Variants in MFSD2B observed in about 807,000 individuals in gnomAD.
MFSD2B encodes the protein sphingosine-1-phosphate transporter MFSD2B.
Under a neutral mutation model 58.4 loss-of-function variants are expected in MFSD2B, and 56 were observed. The observed-to-expected ratio is 0.96, with a 90% CI of 0.77 to 1.20. The LOEUF (loss-of-function observed/expected upper bound fraction) is 1.20, where lower values mean the gene tolerates loss of function less well. Among genes scored for constraint, MFSD2B ranks in the 50% most tolerant of loss-of-function variants. MFSD2B has a pLI of 0.00. For synonymous variants in MFSD2B, 287 were observed against 294.4 expected, an observed-to-expected ratio of 0.97 and a Z score of 0.26; for missense variants, 645 against 667.6, an observed-to-expected ratio of 0.97 and a Z score of 0.37.
Position 24,022,548 on chromosome 2 carries a change from C to T in MFSD2B, c.978+32C>T, listed in dbSNP as rs770068070. ...GGGCCTGGGGTGGTGGAGGCTAGGT[C>T]ACTTGGGGCCCTGAGCTGGGGACAT... On this transcript the variant is annotated intron_variant, in intron 9 of 13. Coordinates refer to ENST00000338315, the MANE Select transcript of MFSD2B (RefSeq NM_001346880.2). This position sits in a 1 kb window ranked among gnomAD's most constrained non-coding sequence, Gnocchi z 4.5. 69 of 1,557,422 alleles carry T rather than the reference C, an allele frequency of 4.4e-5. No individual in the cohort carries two copies. The South Asian group carries it at 7.5e-4, about 17-fold the overall frequency.
At chr2:24,011,693 G>A (rs186511936) in intron 1 of MFSD2B, among the ~76,000 whole-genome samples, 1 of 152,326 alleles carries the variant, frequency 6.6e-6, no homozygotes, top group East Asian at 1.9e-4. Flanking sequence ...TATATACTAA[G>A]CACCTACTGT....
Position 24,021,653 on chromosome 2 carries a change from T to A in MFSD2B, c.687T>A (p.His229Gln). ...GPVTVSPNAA[H>Q]LYCIAAAVVV... ...AGTCCTGTCCTGTCCCACAGGCCCA[T>A]CTCTACTGCATTGCGGCTGCCGTGG... The change falls in exon 7 of 14, where the codon CAT (histidine) becomes CAA (glutamine). Residue 229 changes from histidine (H) to glutamine (Q), a missense_variant. Coordinates refer to ENST00000338315, the MANE Select transcript of MFSD2B (RefSeq NM_001346880.2). This position sits in a 1 kb window ranked among gnomAD's most constrained non-coding sequence, Gnocchi z 5.7. 6.2e-7 allele frequency: 1 copy of A among 1,612,604 alleles called. No individual in the cohort carries two copies. The highest frequency in any genetic ancestry group is 8.5e-7 in the Non-Finnish European group (1 of 1,179,372).
Position 24,022,796 on chromosome 2 carries a change from G to C in MFSD2B, c.979-26G>C. The stretch of plus-strand genomic sequence containing the variant: ...GCAAAGGCGCTGGCAGCACGGCCCT[G>C]GCGTGACGATGCTGTCTGCTCACAG... On this transcript the variant is annotated intron_variant, in intron 9 of 13. Transcript: ENST00000338315. The surrounding 1 kb of genome is among the most constrained non-coding windows in gnomAD (Gnocchi z 4.5). 1 of 1,524,296 alleles carries C rather than the reference G, an allele frequency of 6.6e-7. No homozygotes were observed. Among genetic ancestry groups the C allele is most frequent in the Non-Finnish European group, 8.8e-7 (1 of 1,135,426 alleles). The allele number at this position is 1,524,296 out of a possible 1,614,324, so 94.4% of individuals were successfully genotyped here. A position where few individuals can be genotyped will look rare whatever the true frequency, so the allele number is the denominator to read the frequency against.
intron 6 of MFSD2B, among the ~76,000 whole-genome samples, chr2:24,019,590 G>C (rs1389204104): frequency 6.6e-6 from 1 of 152,142 alleles, no homozygotes; most frequent in East Asian, 1.9e-4. Context: ...GGGCATGGTG[G>C]CAGGCACCTG....
chr2:24,012,150 A>AAC lies in MFSD2B; in HGVS notation c.97-1134_97-1133insCA, dbSNP rs1427020184. 3.7e-5 allele frequency among the ~76,000 whole-genome samples: 3 copies of AAC among 80,586 alleles called. No individual in the cohort carries two copies. The highest frequency in any genetic ancestry group is 1.2e-3 in the East Asian group (2 of 1,694). 52.9% of individuals were successfully genotyped at this position (80,586 alleles called of 152,430 possible). ...CTGGAAACAAACAAACAAACAAACA[A>AAC]AACACACACACACACACACACACAC... On this transcript the variant is annotated intron_variant, in intron 1 of 13. Transcript: ENST00000338315. The surrounding 1 kb of genome is among the most constrained non-coding windows in gnomAD (Gnocchi z 4.5).
chr2:24,017,572 C>T lies in MFSD2B; in HGVS notation c.665C>T (p.Thr222Ile), dbSNP rs765187389. 4 of 1,558,440 alleles carry T rather than the reference C, an allele frequency of 2.6e-6. No individual in the cohort carries two copies. Among genetic ancestry groups the T allele is most frequent in the Admixed American group, 3.8e-5 (2 of 52,260 alleles). ...CEATATPGPV[T>I]VSPNAAHLYC... is the part of the protein sequence containing the mutation. The stretch of plus-strand genomic sequence containing the variant: ...GCCACTGCGACCCCGGGGCCAGTCA[C>T]TGTCTCCCCGAATGCAGTAAGTGCA... The change falls in exon 6 of 14, where the codon ACT (threonine) becomes ATT (isoleucine). Residue 222 changes from threonine (T) to isoleucine (I), a missense_variant. Thr to Ile is a moderately conservative substitution (Grantham distance 89, BLOSUM62 -1). Coordinates refer to ENST00000338315, the MANE Select transcript of MFSD2B (RefSeq NM_001346880.2). This position sits in a 1 kb window ranked among gnomAD's most constrained non-coding sequence, Gnocchi z 4.8.
At chr2:24,015,481 G>A (rs182835167) in intron 2 of MFSD2B, among the ~76,000 whole-genome samples, 1 of 152,072 alleles carries the variant, frequency 6.6e-6, no homozygotes, top group Admixed American at 6.5e-5. Context: ...ATAATAAAAT[G>A]AGGTATCCAC....
chr2:24,021,595 C>G lies in MFSD2B; in HGVS notation c.682-53C>G, dbSNP rs1662787745. On this transcript the variant is annotated intron_variant, in intron 6 of 13. Coordinates refer to ENST00000338315, the MANE Select transcript of MFSD2B (RefSeq NM_001346880.2). The surrounding 1 kb of genome is among the most constrained non-coding windows in gnomAD (Gnocchi z 5.7). Reference sequence around the variant, plus strand: ...GTACTGCCCTGCCCCTCCGGTGTCACCACCTCCAGGGGTTGAAGACATCAC... The same window carrying G: ...GTACTGCCCTGCCCCTCCGGTGTCAGCACCTCCAGGGGTTGAAGACATCAC... 2 of 1,526,616 alleles carry G rather than the reference C, an allele frequency of 1.3e-6. No individual in the cohort carries two copies. The highest frequency in any genetic ancestry group is 1.8e-6 in the Non-Finnish European group (2 of 1,116,076). 94.6% of individuals were successfully genotyped at this position (1,526,616 alleles called of 1,614,324 possible).
At position 24,013,408 on chromosome 2, in the gene MFSD2B, C is replaced by G. The variant is rs1709025868; in HGVS notation, c.220C>G (p.Gln74Glu). ...YLQLFLLDIA[Q>E]IPAAQVSLVL... ...GCAGCTTTTCCTGCTTGATATAGCA[C>G]AGGTAAGTGTGGGCAGTAGCCCAGT... Residue 74 changes from glutamine (Q) to glutamate (E), a missense_variant and splice_region_variant, in exon 2 of 14, where the codon CAG (glutamine) becomes GAG (glutamate). Physicochemically the swap from Gln to Glu is conservative, Grantham distance 29 (BLOSUM62 2). Transcript: ENST00000338315. 1 of 1,602,726 alleles carries G rather than the reference C, an allele frequency of 6.2e-7. No homozygotes were observed. Among genetic ancestry groups the G allele is most frequent in the Non-Finnish European group, 8.5e-7 (1 of 1,173,690 alleles).
Position 24,021,664 on chromosome 2 carries a change from T to C in MFSD2B, c.698T>C (p.Ile233Thr), listed in dbSNP as rs751782427. 6.7e-5 allele frequency: 108 copies of C among 1,613,090 alleles called. No homozygotes were observed. The highest frequency in any genetic ancestry group is 8.7e-5 in the Non-Finnish European group (103 of 1,179,608). ...VSPNAAHLYCIAAAVVVVTYP... is the reference protein window; with the variant it reads ...VSPNAAHLYCTAAAVVVVTYP... ...GTCCCACAGGCCCATCTCTACTGCA[T>C]TGCGGCTGCCGTGGTTGTAGTGACT... Residue 233 changes from isoleucine (I) to threonine (T), a missense_variant, in exon 7 of 14, where the codon ATT (isoleucine) becomes ACT (threonine). Transcript: ENST00000338315. This position sits in a 1 kb window ranked among gnomAD's most constrained non-coding sequence, Gnocchi z 5.7.
At position 24,023,424 on chromosome 2, in the gene MFSD2B, G is replaced by T; in HGVS notation, c.1170-159G>T. The T allele has an allele frequency of 1.0e-6, 1 of 953,090 alleles. No individual in the cohort carries two copies. The highest frequency in any genetic ancestry group is 1.6e-6 in the Non-Finnish European group (1 of 640,632). 59.0% of individuals were successfully genotyped at this position (953,090 alleles called of 1,614,324 possible). A position where few individuals can be genotyped will look rare whatever the true frequency, so the allele number is the denominator to read the frequency against. ...GGCGGGGGGCCGGCAGGGGGCTGGC[G>T]GGGGGTACGAGCACACAGGCCATCT... On this transcript the variant is annotated intron_variant, in intron 11 of 13. Coordinates refer to ENST00000338315, the MANE Select transcript of MFSD2B (RefSeq NM_001346880.2). This position sits in a 1 kb window ranked among gnomAD's most constrained non-coding sequence, Gnocchi z 5.0.
rs766144852 is a variant in MFSD2B at position 24,017,295 on chromosome 2, G to A, written c.481G>A (p.Val161Met). ...LFQALATFFQ[V>M]PYTALTMLLT... is the part of the protein sequence containing the mutation. ...TCTGCCGACGCCCCAGTTCTTCCAG[G>A]TGCCCTACACAGCGCTCACCATGCT... The change falls in exon 5 of 14, where the codon GTG becomes ATG. Residue 161 changes from valine (V) to methionine (M), a missense_variant. Coordinates refer to ENST00000338315, the MANE Select transcript of MFSD2B (RefSeq NM_001346880.2). This position sits in a 1 kb window ranked among gnomAD's most constrained non-coding sequence, Gnocchi z 4.8. 6.9e-6 allele frequency: 11 copies of A among 1,601,504 alleles called. No homozygotes were observed. The highest frequency in any genetic ancestry group is 9.4e-6 in the Non-Finnish European group (11 of 1,174,786).
rs1662739617 is a variant in MFSD2B at position 24,020,601 on chromosome 2, C to A, written c.682-1047C>A. Among the ~76,000 whole-genome samples the A allele has an allele frequency of 1.3e-5, 2 of 152,164 alleles. No homozygotes were observed. The highest frequency in any genetic ancestry group is 2.9e-5 in the Non-Finnish European group (2 of 68,024). On this transcript the variant is annotated intron_variant, in intron 6 of 13. Transcript: ENST00000338315. The surrounding 1 kb of genome is among the most constrained non-coding windows in gnomAD (Gnocchi z 4.1). ...CAGAGGCAGGGTCTTACTCTGCCAC[C>A]CAGGCTGGAGTGCAATGGTGCAATC...
chr2:24,020,821 C>A lies in MFSD2B; in HGVS notation c.682-827C>A, dbSNP rs1662749138. Reference sequence around the variant, plus strand: ...GGTTCAAGGGATCCACCTGCCTCAGCTTCCCAAAGAGCTGGAATGACAGGC... The same window carrying A: ...GGTTCAAGGGATCCACCTGCCTCAGATTCCCAAAGAGCTGGAATGACAGGC... On this transcript the variant is annotated intron_variant, in intron 6 of 13. Transcript: ENST00000338315. This position sits in a 1 kb window ranked among gnomAD's most constrained non-coding sequence, Gnocchi z 4.1. Among the ~76,000 whole-genome samples, 2 of 152,180 alleles carry A rather than the reference C, an allele frequency of 1.3e-5. No homozygotes were observed. The highest frequency in any genetic ancestry group is 1.3e-4 in the Admixed American group (2 of 15,272).
At position 24,021,675 on chromosome 2, in the gene MFSD2B, G is replaced by A. The variant is rs201522941; in HGVS notation, c.709G>A (p.Val237Met). ...AAHLYCIAAA[V>M]VVVTYPVCIS... Reference sequence around the variant, plus strand: ...CCATCTCTACTGCATTGCGGCTGCCGTGGTTGTAGTGACTTACCCCGTGTG... The same window carrying A: ...CCATCTCTACTGCATTGCGGCTGCCATGGTTGTAGTGACTTACCCCGTGTG... Residue 237 changes from valine to methionine, a missense_variant, in exon 7 of 14, where the codon GTG becomes ATG. Coordinates refer to ENST00000338315, the MANE Select transcript of MFSD2B (RefSeq NM_001346880.2). The surrounding 1 kb of genome is among the most constrained non-coding windows in gnomAD (Gnocchi z 5.7). 40 of 1,613,406 alleles carry A rather than the reference G, an allele frequency of 2.5e-5. No homozygotes were observed. The East Asian group carries it at 3.8e-4, about 15-fold the overall frequency.
At chr2:24,016,410 T>G (rs1573635797) in intron 3 of MFSD2B, 130 bp downstream of exon 3, 2 of 1,008,012 alleles carry the variant, frequency 2.0e-6, no homozygotes, top group South Asian at 3.3e-5. Flanking sequence ...ATATCGCAGG[T>G]GCACTGGGGA....
In MFSD2B at chr2:24,022,203, A is replaced by G. The variant is rs1662816609; in HGVS notation, c.895-230A>G. Among the ~76,000 whole-genome samples the G allele has an allele frequency of 6.6e-6, 1 of 152,000 alleles. No homozygotes were observed. The highest frequency in any genetic ancestry group is 2.4e-5 in the African/African-American group (1 of 41,378). ...GGCGGTTTCCTCTCACATTACCTGAAGTGTAGTCAAGTCCACCTGATCACA... is the reference window on the plus strand; with the variant it reads ...GGCGGTTTCCTCTCACATTACCTGAGGTGTAGTCAAGTCCACCTGATCACA... On this transcript the variant is annotated intron_variant, in intron 8 of 13. Coordinates refer to ENST00000338315, the MANE Select transcript of MFSD2B (RefSeq NM_001346880.2). This position sits in a 1 kb window ranked among gnomAD's most constrained non-coding sequence, Gnocchi z 4.5.
At position 24,023,006 on chromosome 2, in the gene MFSD2B, T is replaced by C; in HGVS notation, c.1059+104T>C. The C allele has an allele frequency of 7.4e-7, 1 of 1,347,956 alleles. No individual in the cohort carries two copies. The highest frequency in any genetic ancestry group is 1.3e-5 in the South Asian group (1 of 79,744). 83.5% of individuals were successfully genotyped at this position (1,347,956 alleles called of 1,614,324 possible). A position where few individuals can be genotyped will look rare whatever the true frequency, so the allele number is the denominator to read the frequency against. On this transcript the variant is annotated intron_variant, in intron 10 of 13. Transcript: ENST00000338315. This position sits in a 1 kb window ranked among gnomAD's most constrained non-coding sequence, Gnocchi z 5.0. ...TGGGGCCAGCAGGGGTGGATCTGTG[T>C]TCCCTTGAGTCTTTAGGGCCTAGCA...
intron 1 of MFSD2B, among the ~76,000 whole-genome samples, chr2:24,011,170 G>A (rs971707519): frequency 6.6e-6 from 1 of 152,168 alleles, no homozygotes; most frequent in Non-Finnish European, 1.5e-5. Flanking sequence ...CCCTCCCAAG[G>A]GGCTTCTCCT....
Sources: gnomAD v4.1 joint callset for allele counts (sites outside exome capture counted in the v4.1 genomes callset) on GRCh38, gnomAD v4.1.1 for gene constraint, Gnocchi (gnomAD v3.1) non-coding constraint, MANE v1.5 for transcripts, NCBI Gene and HGNC (gene_info 2026-07-23, HGNC 2026-07-21) for gene names.